Variants in EHBP1L1 observed in about 807,000 individuals in gnomAD.
The protein encoded by EHBP1L1 is EH domain-binding protein 1-like protein 1.
Under a neutral mutation model 151.1 loss-of-function variants are expected in EHBP1L1, and 122 were observed. The observed-to-expected ratio is 0.81, with a 90% CI of 0.70 to 0.94. EHBP1L1 has a LOEUF of 0.94. EHBP1L1 is among the 40% of genes least tolerant of loss of function. The pLI is 0.00. For synonymous variants in EHBP1L1, 878 were observed against 810.1 expected (o/e 1.08, Z -1.42); for missense variants, 1,941 against 1,959.8 (o/e 0.99, Z 0.18).
rs1857807605 is a variant in EHBP1L1, at chr11:65,584,235, C to T, written c.3094-6C>T. The T allele has an allele frequency of 6.2e-7, 1 of 1,606,248 alleles. No individual in the cohort carries two copies. The highest frequency in any genetic ancestry group is 1.1e-5 in the South Asian group (1 of 90,288). ...ACATTCCCTAAGCCCACCCCTGTGT[C>T]CTCAGGCACCACCTGCCCTGGTCAG... On this transcript the variant is annotated splice_region_variant and splice_polypyrimidine_tract_variant and intron_variant, in intron 9 of 18. Transcript: ENST00000309295.
At chr11:65,584,075 G>A (rs1857796214) in intron 9 of EHBP1L1, 166 bp from the exon 10 acceptor site, 1 of 1,454,358 alleles carries the variant, frequency 6.9e-7, no homozygotes, top group African/African-American at 1.4e-5. Flanking sequence ...AGATAACCCT[G>A]GATCTAGAAA....
rs1857827442 is a variant in EHBP1L1 at position 65,584,526 on chromosome 11, A to G, written c.3292A>G (p.Asn1098Asp). ...SLDPLNIKQNNKQAFDGFAAL... is the reference protein window; with the variant it reads ...SLDPLNIKQNDKQAFDGFAAL... ...AGACCCACTCAACATCAAGCAGAACAACAAGCAGGTGAGATGGGGTGGGGG... is the reference window on the plus strand; with the variant it reads ...AGACCCACTCAACATCAAGCAGAACGACAAGCAGGTGAGATGGGGTGGGGG... The change falls in exon 11 of 19, where the codon AAC becomes GAC. Residue 1098 changes from asparagine (N) to aspartate (D), a missense_variant. By Grantham distance (23) the Asn-to-Asp change is conservative. Coordinates refer to ENST00000309295, the MANE Select transcript of EHBP1L1 (RefSeq NM_001099409.3). 5.0e-6 allele frequency: 8 copies of G among 1,611,682 alleles called. No individual in the cohort carries two copies. Among genetic ancestry groups the G allele is most frequent in the Non-Finnish European group, 6.8e-6 (8 of 1,179,288 alleles).
rs752169140 is a variant in EHBP1L1, at chr11:65,585,518, G to T, written c.3860G>T (p.Arg1287Leu). The change falls in exon 12 of 19, where the codon CGC (arginine) becomes CTC (leucine). Residue 1287 changes from arginine (R) to leucine (L), a missense_variant. Physicochemically the swap from Arg to Leu is moderately radical, Grantham distance 102. Coordinates refer to ENST00000309295, the MANE Select transcript of EHBP1L1 (RefSeq NM_001099409.3). The surrounding 1 kb of genome is among the most constrained non-coding windows in gnomAD (Gnocchi z 4.0). ...VRDADLLKKR[R>L]SRLRNSSSFS... ...GACGCGGACCTGCTCAAGAAGAGGC[G>T]CTCGCGGCTGCGGAACAGCAGCTCG... The T allele has an allele frequency of 7.0e-6, 11 of 1,568,956 alleles. No homozygotes were observed. The East Asian group carries it at 2.6e-4, about 37-fold the overall frequency.
In EHBP1L1 at chr11:65,584,310, C is replaced by G. The variant is rs746174380; in HGVS notation, c.3163C>G (p.Arg1055Gly). The change falls in exon 10 of 19, where the codon CGT (arginine) becomes GGT (glycine). Residue 1055 changes from arginine to glycine, a missense_variant. Physicochemically the swap from Arg to Gly is moderately radical, Grantham distance 125. Transcript: ENST00000309295. ...EWCQEVTTGY[R>G]GVRITNFTTS... ...GTGCCAGGAAGTCACCACTGGCTAC[C>G]GTGGCGTCCGCATCACCAACTTCAC... is the stretch of plus-strand genomic sequence containing the variant. The G allele has an allele frequency of 6.2e-7, 1 of 1,611,562 alleles. No individual in the cohort carries two copies. The highest frequency in any genetic ancestry group is 8.5e-7 in the Non-Finnish European group (1 of 1,178,780).
In EHBP1L1 at chr11:65,585,477, C is replaced by T. The variant is rs759218820; in HGVS notation, c.3819C>T (p.Ser1273=). The T allele has an allele frequency of 4.5e-6, 7 of 1,539,636 alleles. No homozygotes were observed. The highest frequency in any genetic ancestry group is 4.9e-5 in the East Asian group (2 of 40,930). The change falls in exon 12 of 19, where the codon TCC becomes TCT. Residue 1273 remains serine, a synonymous_variant. Coordinates refer to ENST00000309295, the MANE Select transcript of EHBP1L1 (RefSeq NM_001099409.3). This position sits in a 1 kb window ranked among gnomAD's most constrained non-coding sequence, Gnocchi z 4.0. ...TGCCCCCGCCCCGCGCGCACGGCTC[C>T]TTCTCCCACGTGCGCGACGCGGACC... ...GSVPPPRAHG[S]FSHVRDADLL... is the part of the protein sequence containing the mutation.
Position 65,583,590 on chromosome 11 carries a change from A to C in EHBP1L1, c.2918A>C (p.Lys973Thr), listed in dbSNP as rs1318708224. 1 of 1,606,690 alleles carries C rather than the reference A, an allele frequency of 6.2e-7. No individual in the cohort carries two copies. The highest frequency in any genetic ancestry group is 8.5e-7 in the Non-Finnish European group (1 of 1,175,408). The change falls in exon 9 of 19, where the codon AAG becomes ACG. Residue 973 changes from lysine to threonine, a missense_variant. Lys to Thr is a moderately conservative substitution (Grantham distance 78, BLOSUM62 -1). Coordinates refer to ENST00000309295, the MANE Select transcript of EHBP1L1 (RefSeq NM_001099409.3). ...CCAGAGAACAAATCTGGTACTTTTA[A>C]GGCCCAGGAAGCGGAGGCTGGGGTC... ...ESPENKSGTF[K>T]AQEAEAGVLG...
At chr11:65,589,706 T>C in intron 12 of EHBP1L1, 45 bp from the exon 13 acceptor site, 1 of 1,490,200 alleles carries the variant, frequency 6.7e-7, no homozygotes, top group Non-Finnish European at 8.9e-7. Flanking sequence ...AGGCCCAGGC[T>C]GGTGGGAAAC....
Position 65,585,740 on chromosome 11 carries a change from G to A in EHBP1L1, c.3933+149G>A. The stretch of plus-strand genomic sequence containing the variant: ...AGTGGCGGGGCTCGGCTGGACCCAG[G>A]AGGGGCTATCTGATCAGAGGGACCC... On this transcript the variant is annotated intron_variant, in intron 12 of 18. Transcript: ENST00000309295. This position sits in a 1 kb window ranked among gnomAD's most constrained non-coding sequence, Gnocchi z 4.0. 3.0e-6 allele frequency: 4 copies of A among 1,322,210 alleles called. No homozygotes were observed. The highest frequency in any genetic ancestry group is 1.3e-5 in the South Asian group (1 of 75,482). 81.9% of individuals were successfully genotyped at this position (1,322,210 alleles called of 1,614,324 possible).
In EHBP1L1 at chr11:65,585,052, A is replaced by G; in HGVS notation, c.3394A>G (p.Thr1132Ala). The change falls in exon 12 of 19, where the codon ACG becomes GCG. Residue 1132 changes from threonine to alanine, a missense_variant. Thr to Ala is a moderately conservative substitution (Grantham distance 58). Transcript: ENST00000309295. This position sits in a 1 kb window ranked among gnomAD's most constrained non-coding sequence, Gnocchi z 4.0. ...GGTGCCCGACAAGCTCATCGTCATG[A>G]CGTACCTGTGCCAGATCCGCGCCTT... is the stretch of plus-strand genomic sequence containing the variant. ...LSVPDKLIVM[T>A]YLCQIRAFCT... 6.5e-7 allele frequency: 1 copy of G among 1,542,800 alleles called. No individual in the cohort carries two copies.
chr11:65,579,805 C>T (rs536336923), intron 3 of EHBP1L1, 131 bp from the exon 4 acceptor site: 91 of 966,314 alleles, frequency 9.4e-5, no homozygotes, highest in African/African-American at 2.0e-4. Context: ...CCAGCCTCGA[C>T]GACAGAGGAA....
intron 1 of EHBP1L1, among the ~76,000 whole-genome samples, chr11:65,577,622 C>G (rs1376547995): frequency 3.3e-5 from 5 of 152,050 alleles, no homozygotes; most frequent in Admixed American, 1.3e-4. Context: ...TTGCAGCTTC[C>G]CAGGAGGGCG....
chr11:65,584,887 G>C, intron 11 of EHBP1L1, 72 bp from the exon 12 acceptor site: 26 of 1,505,960 alleles, frequency 1.7e-5, no homozygotes, highest in Non-Finnish European at 2.3e-5. Flanking sequence ...CCCCTCCGTG[G>C]GGCGGCACTG....
At chr11:65,576,532 T>C in intron 1 of EHBP1L1, 126 bp downstream of exon 1, 1 of 816,258 alleles carries the variant, frequency 1.2e-6, no homozygotes, top group Non-Finnish European at 1.9e-6. Flanking sequence ...GCTTGGGCCC[T>C]GGTTCCGTTC....
chr11:65,584,955 C>T lies in EHBP1L1; in HGVS notation c.3301-4C>T. ...CGCTGACCCCGAGTGCACCCTTCCCCTAGGCCTTCGATGGCTTCGCGGCTC... is the reference window on the plus strand; with the variant it reads ...CGCTGACCCCGAGTGCACCCTTCCCTTAGGCCTTCGATGGCTTCGCGGCTC... On this transcript the variant is annotated splice_region_variant and splice_polypyrimidine_tract_variant and intron_variant, in intron 11 of 18. Transcript: ENST00000309295. 1 of 1,533,386 alleles carries T rather than the reference C, an allele frequency of 6.5e-7. No individual in the cohort carries two copies. 95.0% of individuals were successfully genotyped at this position (1,533,386 alleles called of 1,614,324 possible). A position where few individuals can be genotyped will look rare whatever the true frequency, so the allele number is the denominator to read the frequency against.
Position 65,581,937 on chromosome 11 carries a change from G to T in EHBP1L1, c.1265G>T (p.Cys422Phe). Residue 422 changes from cysteine to phenylalanine, a missense_variant, in exon 9 of 19, where the codon TGT becomes TTT. Cys to Phe is a radical substitution (Grantham distance 205). Transcript: ENST00000309295. ...AGEAEESSAV[C>F]QVDAEQRSKV... ...GAGGCTGAAGAGAGTTCAGCAGTTT[G>T]TCAAGTGGATGCTGAGCAGAGGTCA... is the stretch of plus-strand genomic sequence containing the variant. 3 of 1,613,850 alleles carry T rather than the reference G, an allele frequency of 1.9e-6. No homozygotes were observed. Among genetic ancestry groups the T allele is most frequent in the Non-Finnish European group, 2.5e-6 (3 of 1,179,846 alleles).
chr11:65,583,824 C>T (rs373331957), intron 9 of EHBP1L1, 59 bp downstream of exon 9: 18 of 1,437,094 alleles, frequency 1.3e-5, no homozygotes, highest in East Asian at 7.5e-5. Context: ...TGGGGCTGAG[C>T]GAACGGCGGC....
At chr11:65,584,831 G>A (rs1393045606) in intron 11 of EHBP1L1, 128 bp from the exon 12 acceptor site, 1 of 1,268,640 alleles carries the variant, frequency 7.9e-7, no homozygotes, top group South Asian at 1.4e-5. Context: ...CTCGCTAGGA[G>A]GGGGCGGTGT....
rs748944625 is a variant in EHBP1L1, at chr11:65,582,992, T to C, written c.2320T>C (p.Leu774=). 5 of 1,612,922 alleles carry C rather than the reference T, an allele frequency of 3.1e-6. No individual in the cohort carries two copies. The highest frequency in any genetic ancestry group is 1.7e-5 in the Admixed American group (1 of 59,938). The change falls in exon 9 of 19, where the codon TTG becomes CTG. Residue 774 remains leucine, a synonymous_variant. Transcript: ENST00000309295. ...IETGAAEGAI[L]GTQEIASRDS... is the part of the protein sequence containing the mutation. ...GACTGGGGCAGCAGAAGGTGCGATA[T>C]TGGGGACCCAAGAGATAGCATCTAG...
chr11:65,584,119 G>A, intron 9 of EHBP1L1, 122 bp from the exon 10 acceptor site: 2 of 1,497,900 alleles, frequency 1.3e-6, no homozygotes, highest in Non-Finnish European at 1.8e-6. Flanking sequence ...CTAGCCAGTG[G>A]TCTCTGGTGA....
Sources: allele counts gnomAD v4.1 joint callset (sites outside exome capture counted in the v4.1 genomes callset), GRCh38; gene constraint gnomAD v4.1.1; non-coding constraint Gnocchi (gnomAD v3.1); transcripts MANE v1.5; gene names NCBI Gene and HGNC (gene_info 2026-07-23, HGNC 2026-07-21).